Variants in UBA7 observed in about 807,000 individuals in gnomAD.
UBA7 encodes the protein ubiquitin-like modifier-activating enzyme 7.
A neutral mutation model predicts 113.0 loss-of-function variants in UBA7; 88 were observed. The ratio of observed to expected loss-of-function variants is 0.78; its 90% CI spans 0.66 to 0.93. The LOEUF (loss-of-function observed/expected upper bound fraction) is 0.93, where lower values mean the gene tolerates loss of function less well. UBA7 is among the 40% of genes least tolerant of loss of function. The probability of loss-of-function intolerance (pLI) is 0.00; values close to 1 mark genes in which losing one functional copy is unlikely to be tolerated. For missense variants in UBA7, 1,092 were observed against 1,266.4 expected (o/e 0.86, Z 2.09); for synonymous variants, 459 against 513.0 (o/e 0.89, Z 1.42).
rs773271146 is a variant in UBA7, at chr3:49,811,993, G to A, written c.816C>T (p.Leu272=). 1.9e-6 allele frequency: 3 copies of A among 1,614,108 alleles called. No homozygotes were observed. The highest frequency in any genetic ancestry group is 2.7e-5 in the African/African-American group (2 of 74,934). Residue 272 remains leucine (L), a synonymous_variant, in exon 8 of 24, where the codon CTC becomes CTT. Transcript: ENST00000333486. ...AGCTCTGGGCCACCACATGGGGCTGGAGCAGGGCTGTGTCCAGGGACTTCT... is the reference window on the plus strand; with the variant it reads ...AGCTCTGGGCCACCACATGGGGCTGAAGCAGGGCTGTGTCCAGGGACTTCT... ...VRHKSLDTAL[L]QPHVVAQSSQ... is the part of the protein sequence containing the mutation.
chr3:49,808,116 T>C lies in UBA7; in HGVS notation c.2431-4A>G. 1.2e-6 allele frequency: 2 copies of C among 1,613,770 alleles called. No individual in the cohort carries two copies. Among genetic ancestry groups the C allele is most frequent in the Non-Finnish European group, 1.7e-6 (2 of 1,179,880 alleles). On this transcript the variant is annotated splice_polypyrimidine_tract_variant and splice_region_variant and intron_variant, in intron 19 of 23. Coordinates refer to ENST00000333486, the MANE Select transcript of UBA7 (RefSeq NM_003335.3). Reference sequence around the variant, plus strand: ...CATGGAAGTTGCTGTCATCATCCTGTAAGGCCCAAGTCAAAGTAGTGTTAA... The same window carrying C: ...CATGGAAGTTGCTGTCATCATCCTGCAAGGCCCAAGTCAAAGTAGTGTTAA...
Position 49,813,344 on chromosome 3 carries a change from C to G in UBA7, c.265G>C (p.Glu89Gln), listed in dbSNP as rs780361747. The change falls in exon 3 of 24, where the codon GAG (glutamate) becomes CAG (glutamine). Residue 89 changes from glutamate (E) to glutamine (Q), a missense_variant. Around this residue, in one of 3 missense-constraint regions of UBA7, gnomAD observed 584 missense variants for 714.5 expected, o/e 0.82. Transcript: ENST00000333486. ...SEQDLERSRAEASQELLAQLN... is the reference protein window; with the variant it reads ...SEQDLERSRAQASQELLAQLN... ...TGAGCCAAGAGCTCTTGAGAGGCCT[C>G]GGCTCTGCTCCTTTCCAAGTCCTGC... 12 of 1,614,044 alleles carry G rather than the reference C, an allele frequency of 7.4e-6. No homozygotes were observed. The South Asian group carries it at 1.2e-4, about 16-fold the overall frequency.
In UBA7 at chr3:49,810,578, A is replaced by G; in HGVS notation, c.1406T>C (p.Met469Thr). The change falls in exon 12 of 24, where the codon ATG becomes ACG. Residue 469 changes from methionine (M) to threonine (T), a missense_variant. By Grantham distance (81) the Met-to-Thr change is moderately conservative (BLOSUM62 -1). Coordinates refer to ENST00000333486, the MANE Select transcript of UBA7 (RefSeq NM_003335.3). The surrounding 1 kb of genome is among the most constrained non-coding windows in gnomAD (Gnocchi z 5.6). ...GNSGGLTVVD[M>T]DHIERSNLSR... is the part of the protein sequence containing the mutation. ...GAGATTGGAGCGCTCTATGTGGTCC[A>G]TGTCAACAACAGTCAAGCCCCCGCT... 17 of 1,614,166 alleles carry G rather than the reference A, an allele frequency of 1.1e-5. No homozygotes were observed. Among genetic ancestry groups the G allele is most frequent in the Non-Finnish European group, 1.4e-5 (17 of 1,180,018 alleles).
rs901516339 is a variant in UBA7 at position 49,809,647 on chromosome 3, C to T, written c.1983G>A (p.Val661=). ...CACAGTCTTGCCAGTTCTGTGGACGCACTCTCAGGACCCCAAGCACTGGCT... is the reference window on the plus strand; with the variant it reads ...CACAGTCTTGCCAGTTCTGTGGACGTACTCTCAGGACCCCAAGCACTGGCT... ...LLKPVLGVLR[V]RPQNWQDCVA... is the part of the protein sequence containing the mutation. The change falls in exon 16 of 24, where the codon GTG becomes GTA. Residue 661 remains valine (V), a synonymous_variant. Coordinates refer to ENST00000333486, the MANE Select transcript of UBA7 (RefSeq NM_003335.3). 1.4e-5 allele frequency: 22 copies of T among 1,613,992 alleles called. No homozygotes were observed. The highest frequency in any genetic ancestry group is 2.2e-5 in the East Asian group (1 of 44,896).
intron 5 of UBA7, 36 bp downstream of exon 5, chr3:49,812,612 T>C (rs1400248676): frequency 6.2e-7 from 1 of 1,614,162 alleles, no homozygotes; most frequent in East Asian, 2.2e-5. Flanking sequence ...AGCCTCTCCT[T>C]GGTCAGCAGG....
Position 49,810,471 on chromosome 3 carries a change from G to C in UBA7, c.1468-43C>G. On this transcript the variant is annotated intron_variant, in intron 12 of 23. Coordinates refer to ENST00000333486, the MANE Select transcript of UBA7 (RefSeq NM_003335.3). This position sits in a 1 kb window ranked among gnomAD's most constrained non-coding sequence, Gnocchi z 5.6. Reference sequence around the variant, plus strand: ...AGATGTTGGGTGGGAAGCTGTATGGGAGGACGGTCTGGGATGCAGGAGTGT... The same window carrying C: ...AGATGTTGGGTGGGAAGCTGTATGGCAGGACGGTCTGGGATGCAGGAGTGT... 1 of 1,614,038 alleles carries C rather than the reference G, an allele frequency of 6.2e-7. No homozygotes were observed. The highest frequency in any genetic ancestry group is 8.5e-7 in the Non-Finnish European group (1 of 1,179,940).
intron 18 of UBA7, 87 bp downstream of exon 18, chr3:49,808,889 C>T (rs892327837): frequency 1.3e-6 from 2 of 1,495,890 alleles, no homozygotes; most frequent in African/African-American, 1.4e-5. Flanking sequence ...CCCCTAGGCC[C>T]TATCTTCCTT....
rs1025494409 is a variant in UBA7, at chr3:49,805,886, A to T, written c.2909+11T>A. On this transcript the variant is annotated intron_variant, in intron 23 of 23. Coordinates refer to ENST00000333486, the MANE Select transcript of UBA7 (RefSeq NM_003335.3). ...CTGGTGGGGCCTGTCTAAAGCCCCA[A>T]GTGGGCTCACCTGAGGGGCAGGTGC... is the stretch of plus-strand genomic sequence containing the variant. The T allele has an allele frequency of 6.4e-7, 1 of 1,551,276 alleles. No homozygotes were observed. The highest frequency in any genetic ancestry group is 8.7e-7 in the Non-Finnish European group (1 of 1,147,128).
Position 49,805,444 on chromosome 3 carries a change from G to A in UBA7, c.2910-7C>T. ...CTGAACCAGTTCTGTCACCCTGGTA[G>A]GGGTGGGTTTAGGGGAGATTGGAGA... On this transcript the variant is annotated splice_region_variant and splice_polypyrimidine_tract_variant and intron_variant, in intron 23 of 23. Transcript: ENST00000333486. 6.4e-7 allele frequency: 1 copy of A among 1,573,482 alleles called. No individual in the cohort carries two copies. The highest frequency in any genetic ancestry group is 2.2e-5 in the East Asian group (1 of 44,544).
rs2081535224 is a variant in UBA7 at position 49,810,976 on chromosome 3, G to T, written c.1230+8C>A. Reference sequence around the variant, plus strand: ...GACAAGGCTTGCACCCCTATCCCAGGCTCTCACCAGGGCACAGTCCTCAGG... The same window carrying T: ...GACAAGGCTTGCACCCCTATCCCAGTCTCTCACCAGGGCACAGTCCTCAGG... On this transcript the variant is annotated splice_region_variant and intron_variant, in intron 10 of 23. Coordinates refer to ENST00000333486, the MANE Select transcript of UBA7 (RefSeq NM_003335.3). This position sits in a 1 kb window ranked among gnomAD's most constrained non-coding sequence, Gnocchi z 5.6. 1 of 1,613,848 alleles carries T rather than the reference G, an allele frequency of 6.2e-7. No homozygotes were observed. Among genetic ancestry groups the T allele is most frequent in the East Asian group, 2.2e-5 (1 of 44,876 alleles).
rs758665449 is a variant in UBA7 at position 49,812,110 on chromosome 3, TGTCTCACAGTCTTGG to T, written c.776_790del (p.Pro259_Arg263del). The T allele has an allele frequency of 6.2e-7, 1 of 1,614,070 alleles. No homozygotes were observed. The highest frequency in any genetic ancestry group is 8.5e-7 in the Non-Finnish European group (1 of 1,180,026). Reference sequence around the variant, plus strand: ...TACCTCAGATGCACTTGCACTCACATGTCTCACAGTCTTGGGTCTCTTGACTTCAGTGATAGCCCC... The same window carrying T: ...TACCTCAGATGCACTTGCACTCACATGTCTCTTGACTTCAGTGATAGCCCC... On this transcript the variant is annotated inframe_deletion and splice_region_variant, in exon 7 of 24. Coordinates refer to ENST00000333486, the MANE Select transcript of UBA7 (RefSeq NM_003335.3).
At chr3:49,806,260 A>T in intron 21 of UBA7, 95 bp from the exon 22 acceptor site, 1 of 895,492 alleles carries the variant, frequency 1.1e-6, no homozygotes, top group Non-Finnish European at 1.7e-6. Context: ...GAGCTGGACT[A>T]GCAGGAAACA....
intron 21 of UBA7, chr3:49,806,377 G>A (rs146866707): frequency 2.2e-4 from 134 of 595,862 alleles, no homozygotes; most frequent in Non-Finnish European, 3.7e-4. Context: ...TATGGGGCCC[G>A]CACAGGGAAA....
rs1277828873 is a variant in UBA7, at chr3:49,813,460, A to G, written c.225+19T>C. ...CCCCCACCTTGGTCTGGCAGCCCAT[A>G]GCCCCCCAGGACACTTACCTGGGCA... On this transcript the variant is annotated intron_variant, in intron 2 of 23. Transcript: ENST00000333486. 2 of 1,610,616 alleles carry G rather than the reference A, an allele frequency of 1.2e-6. No homozygotes were observed. The highest frequency in any genetic ancestry group is 1.3e-5 in the African/African-American group (1 of 74,996).
Position 49,809,445 on chromosome 3 carries a change from G to C in UBA7, c.2108C>G (p.Pro703Arg). 6.2e-7 allele frequency: 1 copy of C among 1,614,160 alleles called. No homozygotes were observed. The highest frequency in any genetic ancestry group is 8.5e-7 in the Non-Finnish European group (1 of 1,180,014). Residue 703 changes from proline (P) to arginine (R), a missense_variant, in exon 17 of 24, where the codon CCC becomes CGC. By Grantham distance (103) the Pro-to-Arg change is moderately radical. Coordinates refer to ENST00000333486, the MANE Select transcript of UBA7 (RefSeq NM_003335.3). ...ACACTGTTTGGGACCTGACCAGAAG[G>C]GAGTTCCATCCTCAAGCACCTAGGT... ...PPNKVLEDGT[P>R]FWSGPKQCPQ...
At chr3:49,806,251 A>G in intron 21 of UBA7, 86 bp from the exon 22 acceptor site, 1 of 1,123,682 alleles carries the variant, frequency 8.9e-7, no homozygotes, top group Middle Eastern at 2.9e-4. Flanking sequence ...CTAGGGGAAG[A>G]GCTGGACTAG....
chr3:49,809,114 G>C lies in UBA7; in HGVS notation c.2209C>G (p.Gln737Glu). The C allele has an allele frequency of 6.2e-7, 1 of 1,613,482 alleles. No individual in the cohort carries two copies. Among genetic ancestry groups the C allele is most frequent in the Non-Finnish European group, 8.5e-7 (1 of 1,179,840 alleles). ...TGTGAGCCAGGCAGCCCATGCATCT[G>C]GGCATACAGGTTGGCAGCTGCCAGT... ...YVLAAANLYAQMHGLPGSQDW... is the reference protein window; with the variant it reads ...YVLAAANLYAEMHGLPGSQDW... The change falls in exon 18 of 24, where the codon CAG (glutamine) becomes GAG (glutamate). Residue 737 changes from glutamine (Q) to glutamate (E), a missense_variant. By Grantham distance (29) the Gln-to-Glu change is conservative (BLOSUM62 2). Transcript: ENST00000333486.
At chr3:49,805,519 C>G (rs2081433805) in intron 23 of UBA7, 82 bp from the exon 24 acceptor site, 1 of 1,373,628 alleles carries the variant, frequency 7.3e-7, no homozygotes, top group Admixed American at 1.8e-5. Flanking sequence ...AGAGAGGGTG[C>G]TGGCAGGCCG....
Position 49,813,067 on chromosome 3 carries a change from G to A in UBA7, c.462C>T (p.Leu154=), listed in dbSNP as rs1462124325. The change falls in exon 4 of 24, where the codon CTC becomes CTT. Residue 154 remains leucine (L), a synonymous_variant. Coordinates refer to ENST00000333486, the MANE Select transcript of UBA7 (RefSeq NM_003335.3). ...GGGCAGGCAGTCTTACTCACCCCAC[G>A]AGGCCCCGGGTGTCAGCCGCCAGAA... is the stretch of plus-strand genomic sequence containing the variant. The part of the protein sequence containing the change: ...VCFLAADTRG[L]VGQLFCDFGE... 3.7e-6 allele frequency: 6 copies of A among 1,613,000 alleles called. No homozygotes were observed. The highest frequency in any genetic ancestry group is 1.7e-5 in the Admixed American group (1 of 59,960).
Sources: gnomAD v4.1 joint callset for allele counts on GRCh38, gnomAD v4.1.1 for gene constraint, gnomAD v4.1.1 regional missense constraint, Gnocchi (gnomAD v3.1) non-coding constraint, MANE v1.5 for transcripts, NCBI Gene and HGNC (gene_info 2026-07-23, HGNC 2026-07-21) for gene names.